NTM: variants seen among roughly 807,000 people sequenced by gnomAD.
The protein encoded by NTM is IgLON family member 2.
A neutral mutation model predicts 42.1 loss-of-function variants in NTM; 13 were observed. That is an observed-to-expected ratio of 0.31 (90% CI 0.20 to 0.49). The LOEUF is 0.49. Among genes scored for constraint, NTM ranks in the 20% least tolerant of loss-of-function variants. The pLI, the probability that NTM is intolerant of heterozygous loss-of-function variation, is 0.99. For missense variants in NTM, 373 were observed against 452.8 expected, an observed-to-expected ratio of 0.82 and a Z score of 1.60; for synonymous variants, 187 against 179.2, an observed-to-expected ratio of 1.04 and a Z score of -0.35.
At chr11:131,961,016 G>T (rs2062107933) in intron 2 of NTM, among the ~76,000 whole-genome samples, 1 of 152,090 alleles carries the variant, frequency 6.6e-6, no homozygotes, top group Admixed American at 6.5e-5. Flanking sequence ...TTTCATCCAG[G>T]AGCATGTCAA....
chr11:131,970,872 T>C (rs1045201896), intron 2 of NTM, among the ~76,000 whole-genome samples: 1 of 152,240 alleles, frequency 6.6e-6, no homozygotes, highest in Non-Finnish European at 1.5e-5. Flanking sequence ...CCCTTTCTGC[T>C]ACAGCTTCCC....
chr11:131,942,816 C>G (rs1003957017), intron 2 of NTM, among the ~76,000 whole-genome samples: 1 of 151,852 alleles, frequency 6.6e-6, no homozygotes, highest in Non-Finnish European at 1.5e-5. Flanking sequence ...CATGGTGACA[C>G]GTGTCTGTAA....
At chr11:131,839,755 T>C (rs1325032361) in intron 1 of NTM, among the ~76,000 whole-genome samples, 1 of 152,206 alleles carries the variant, frequency 6.6e-6, no homozygotes, top group Non-Finnish European at 1.5e-5. Flanking sequence ...TGTGAGCAAA[T>C]GCAGTTGTTG....
At chr11:131,398,080 G>C (rs569955553) in intron 1 of NTM, among the ~76,000 whole-genome samples, 1 of 152,224 alleles carries the variant, frequency 6.6e-6, no homozygotes, top group African/African-American at 2.4e-5. Flanking sequence ...TTTTTCACAT[G>C]GCTACTTTCC....
chr11:131,848,622 T>C (rs2045196298), intron 1 of NTM, among the ~76,000 whole-genome samples: 1 of 152,254 alleles, frequency 6.6e-6, no homozygotes, highest in Non-Finnish European at 1.5e-5. Flanking sequence ...TTAAAGTGCA[T>C]GCTCATTTCA....
Position 131,579,429 on chromosome 11 carries a change from G to A in NTM, c.82+208541G>A, listed in dbSNP as rs539295805. On this transcript the variant is annotated intron_variant, in intron 1 of 8. Coordinates refer to ENST00000683400, the MANE Select transcript of NTM (RefSeq NM_001352005.2). ...TTCTGCATTACTGTAAACCAGTCAG[G>A]CAGTCCCCTAGAGTACTGTCTAATC... 1.8e-4 allele frequency among the ~76,000 whole-genome samples: 27 copies of A among 152,272 alleles called. 1 individual carries two copies. The East Asian group carries it at 1.9e-3, about 11-fold the overall frequency.
At chr11:131,819,027 CTGAGATT>C (rs1232227891) in intron 1 of NTM, among the ~76,000 whole-genome samples, 1 of 152,206 alleles carries the variant, frequency 6.6e-6, no homozygotes, top group Admixed American at 6.5e-5. Flanking sequence ...GTTGAGGACA[CTGAGATT>C]TGAAGTTTAG....
chr11:131,467,729 T>C (rs959785119), intron 1 of NTM, among the ~76,000 whole-genome samples: 6 of 152,176 alleles, frequency 3.9e-5, no homozygotes, highest in Non-Finnish European at 8.8e-5. Context: ...GCTCAACATA[T>C]AGAAAGGATA....
At chr11:132,290,427 G>A (rs945785862) in intron 4 of NTM, among the ~76,000 whole-genome samples, 5 of 152,118 alleles carry the variant, frequency 3.3e-5, no homozygotes, top group Non-Finnish European at 7.3e-5. Context: ...GGTTATTAAA[G>A]AACTTAATAA....
At chr11:131,899,762 T>C (rs2052846485) in intron 1 of NTM, among the ~76,000 whole-genome samples, 1 of 138,718 alleles carries the variant, frequency 7.2e-6, no homozygotes, top group South Asian at 2.2e-4. Flanking sequence ...TTAACTACTG[T>C]CTTGATTTCT....
At chr11:131,549,744 C>T (rs1028426036) in intron 1 of NTM, among the ~76,000 whole-genome samples, 50 of 152,268 alleles carry the variant, frequency 3.3e-4, no homozygotes, top group African/African-American at 1.2e-3. Flanking sequence ...TTATTCAAAG[C>T]TATTACATGC....
At chr11:132,013,379 A>G (rs1382983161) in intron 2 of NTM, among the ~76,000 whole-genome samples, 2 of 152,186 alleles carry the variant, frequency 1.3e-5, no homozygotes, top group Non-Finnish European at 2.9e-5. Context: ...TTATCATCCT[A>G]GTGGAAAGGA....
At chr11:132,090,523 G>A (rs1295121062) in intron 2 of NTM, among the ~76,000 whole-genome samples, 1 of 151,976 alleles carries the variant, frequency 6.6e-6, no homozygotes, top group African/African-American at 2.4e-5. Flanking sequence ...TTGTGATCGT[G>A]CCCGCTGTCT....
rs2070088703 is a variant in NTM at position 132,003,970 on chromosome 11, C to T, written c.167+92322C>T. Among the ~76,000 whole-genome samples, 1 of 152,222 alleles carries T rather than the reference C, an allele frequency of 6.6e-6. No homozygotes were observed. The highest frequency in any genetic ancestry group is 1.5e-5 in the Non-Finnish European group (1 of 68,048). ...GTTCAGGTTTCATCGTCTCCTTAATCAACCATTAGCATAATGTATTAGCAT... is the reference window on the plus strand; with the variant it reads ...GTTCAGGTTTCATCGTCTCCTTAATTAACCATTAGCATAATGTATTAGCAT... On this transcript the variant is annotated intron_variant, in intron 2 of 8. Transcript: ENST00000683400. The surrounding 1 kb of genome is among the most constrained non-coding windows in gnomAD (Gnocchi z 6.0).
intron 1 of NTM, among the ~76,000 whole-genome samples, chr11:131,490,284 G>A (rs1302217098): frequency 1.3e-5 from 2 of 152,168 alleles, no homozygotes; most frequent in East Asian, 3.8e-4. Flanking sequence ...CCCCTAACCT[G>A]CTACATGAGC....
intron 2 of NTM, among the ~76,000 whole-genome samples, chr11:132,095,843 C>T (rs1237870264): frequency 6.6e-6 from 1 of 152,180 alleles, no homozygotes; most frequent in Non-Finnish European, 1.5e-5. Context: ...TGGCTCTGGC[C>T]GTAGCCCTGC....
intron 1 of NTM, among the ~76,000 whole-genome samples, chr11:131,401,812 A>ATATATATATATATATATATATG (rs1945185957): frequency 4.6e-5 from 1 of 21,630 alleles, no homozygotes. Context: ...ATATATATAT[A>ATATATATATATATATATATATG]TATATATATA....
intron 1 of NTM, among the ~76,000 whole-genome samples, chr11:131,547,015 C>T (rs1363957097): frequency 3.3e-5 from 5 of 152,146 alleles, no homozygotes; most frequent in Non-Finnish European, 7.3e-5. Context: ...CTCCAACCTC[C>T]TCTTCCAAGA....
intron 1 of NTM, among the ~76,000 whole-genome samples, chr11:131,621,459 T>C (rs1444718170): frequency 6.6e-6 from 1 of 152,000 alleles, no homozygotes; most frequent in Non-Finnish European, 1.5e-5. Flanking sequence ...GCAAGTGTGC[T>C]GTCTGTCTCT....
Sources: gnomAD v4.1 joint callset for allele counts (sites outside exome capture counted in the v4.1 genomes callset) on GRCh38, gnomAD v4.1.1 for gene constraint, Gnocchi (gnomAD v3.1) non-coding constraint, MANE v1.5 for transcripts, NCBI Gene and HGNC (gene_info 2026-07-23, HGNC 2026-07-21) for gene names.